The following ENPP2 variants were observed in gnomAD, a reference collection of about 807,000 sequenced individuals.
ENPP2 encodes the protein ectonucleotide pyrophosphatase/phosphodiesterase 2.
ENPP2 carries 51 observed loss-of-function variants against 120.2 expected under a neutral mutation model. That is an observed-to-expected ratio of 0.42 (90% confidence interval 0.34 to 0.54). The LOEUF is 0.54. Ranked by LOEUF, ENPP2 falls within the 20% of genes least tolerant of loss-of-function variation. ENPP2 has a pLI of 0.04. For missense variants in ENPP2, 920 were observed against 1,066.5 expected (o/e 0.86, Z 1.91); for synonymous variants, 365 against 366.4 (o/e 1.00, Z 0.04).
chr8:119,593,749 T>C lies in ENPP2; in HGVS notation c.1081+3A>G. Reference sequence around the variant, plus strand: ...TATTAGCAAAGAAAAAACAAAGCTTTACCATGGTCTCCGACAAAGATGACG... The same window carrying C: ...TATTAGCAAAGAAAAAACAAAGCTTCACCATGGTCTCCGACAAAGATGACG... On this transcript the variant is annotated splice_donor_region_variant and intron_variant, in intron 12 of 24. Coordinates refer to ENST00000075322, the MANE Select transcript of ENPP2 (RefSeq NM_001040092.3). The C allele has an allele frequency of 6.4e-7, 1 of 1,569,502 alleles. No homozygotes were observed. The highest frequency in any genetic ancestry group is 8.8e-7 in the Non-Finnish European group (1 of 1,139,438).
chr8:119,576,946 A>C (rs1008290588), intron 19 of ENPP2, among the ~76,000 whole-genome samples: 1 of 152,216 alleles, frequency 6.6e-6, no homozygotes, highest in Non-Finnish European at 1.5e-5. Flanking sequence ...ATTCCATAAC[A>C]GTTTAAATAT....
intron 8 of ENPP2, among the ~76,000 whole-genome samples, chr8:119,614,109 C>T (rs111759393): frequency 3.4e-4 from 51 of 147,966 alleles, no homozygotes; most frequent in African/African-American, 1.2e-3. Context: ...CACTGTCACC[C>T]GGGCTGGAGT....
intron 11 of ENPP2, 56 bp from the exon 12 acceptor site, chr8:119,593,916 C>T (rs773569584): frequency 1.0e-6 from 1 of 993,090 alleles, no homozygotes; most frequent in South Asian, 1.3e-5. Context: ...CCCTTTCAGT[C>T]TCTCATAGAT....
intron 7 of ENPP2, 42 bp downstream of exon 7, chr8:119,617,122 A>G: frequency 8.4e-7 from 1 of 1,195,730 alleles, no homozygotes; most frequent in East Asian, 2.3e-5. Context: ...TTCCAGGATG[A>G]AATCAGCCCT....
chr8:119,641,853 G>A (rs1167950646), upstream of ENPP2, among the ~76,000 whole-genome samples: 1 of 152,204 alleles, frequency 6.6e-6, no homozygotes, highest in Non-Finnish European at 1.5e-5. Flanking sequence ...GGTTCCTGCA[G>A]CAGACGTGAT....
At chr8:119,598,719 A>G (rs1814072446) in intron 11 of ENPP2, among the ~76,000 whole-genome samples, 4 of 152,210 alleles carry the variant, frequency 2.6e-5, no homozygotes, top group Admixed American at 2.0e-4. Context: ...TGCCATAAAG[A>G]AAATGTTCTG....
chr8:119,602,255 C>T (rs763352801), intron 9 of ENPP2, among the ~76,000 whole-genome samples: 5 of 152,014 alleles, frequency 3.3e-5, no homozygotes, highest in Non-Finnish European at 5.9e-5. Context: ...GTCAGGAGTT[C>T]GAGACCAGCC....
intron 1 of ENPP2, among the ~76,000 whole-genome samples, chr8:119,660,476 G>A (rs1205880715): frequency 6.6e-6 from 1 of 152,132 alleles, no homozygotes; most frequent in African/African-American, 2.4e-5. Context: ...CTTTGAAAAG[G>A]ACAGTATTTA....
Position 119,567,920 on chromosome 8 carries a change from T to C in ENPP2, c.2131+255A>G, listed in dbSNP as rs1814613564. Among the ~76,000 whole-genome samples the C allele has an allele frequency of 1.3e-5, 2 of 152,214 alleles. 1 individual carries two copies. The highest frequency in any genetic ancestry group is 2.9e-5 in the Non-Finnish European group (2 of 68,032). ...GGTCACTTTCTGTGATATCAATTTC[T>C]TAATTATAAACCGGGGATAAACTAC... On this transcript the variant is annotated intron_variant, in intron 22 of 24. Transcript: ENST00000075322.
intron 18 of ENPP2, 59 bp from the exon 19 acceptor site, chr8:119,580,226 T>G: frequency 7.6e-7 from 1 of 1,323,184 alleles, no homozygotes; most frequent in Non-Finnish European, 1.1e-6. Context: ...GTTCTTTCCC[T>G]CTGTGCCCTT....
chr8:119,605,964 A>G (rs1304255328), intron 9 of ENPP2, among the ~76,000 whole-genome samples: 1 of 152,216 alleles, frequency 6.6e-6, no homozygotes, highest in Non-Finnish European at 1.5e-5. Context: ...TTATTTCAGA[A>G]TGAAATACTA....
At chr8:119,580,057 C>T (rs1331177008) in intron 19 of ENPP2, 59 bp downstream of exon 19, 24 of 1,170,032 alleles carry the variant, frequency 2.1e-5, no homozygotes, top group Non-Finnish European at 3.1e-5. Flanking sequence ...AATAAGAAGC[C>T]TTTTCGATTT....
At chr8:119,667,072 A>G (rs1011498188) in intron 1 of ENPP2, among the ~76,000 whole-genome samples, 1 of 152,126 alleles carries the variant, frequency 6.6e-6, no homozygotes, top group Non-Finnish European at 1.5e-5. Context: ...AGACCCCTTC[A>G]AGCATGAAAA....
intron 17 of ENPP2, 21 bp from the exon 18 acceptor site, chr8:119,582,623 G>A (rs1812828233): frequency 6.4e-7 from 1 of 1,552,852 alleles, no homozygotes; most frequent in East Asian, 2.2e-5. Context: ...TTAAGAAAAG[G>A]AGGCAGGTGC....
intron 1 of ENPP2, among the ~76,000 whole-genome samples, chr8:119,659,374 A>G (rs1817859604): frequency 6.6e-6 from 1 of 150,676 alleles, no homozygotes; most frequent in Non-Finnish European, 1.5e-5. Context: ...TCCTAGTGGT[A>G]CTAATCCCTA....
intron 1 of ENPP2, among the ~76,000 whole-genome samples, chr8:119,649,305 G>A (rs1202928408): frequency 6.6e-6 from 1 of 151,408 alleles, no homozygotes; most frequent in African/African-American, 2.4e-5. Context: ...AGGAGGCTGA[G>A]GCAGGAGAAT....
chr8:119,610,427 GA>G (rs1276335874), intron 8 of ENPP2, among the ~76,000 whole-genome samples: 16 of 151,654 alleles, frequency 1.1e-4, no homozygotes, highest in Admixed American at 9.8e-4. Context: ...CCAAGGGGGG[GA>G]AAAAGGCACT....
intron 1 of ENPP2, among the ~76,000 whole-genome samples, chr8:119,661,762 T>C (rs1817927152): frequency 6.6e-6 from 1 of 152,088 alleles, no homozygotes; most frequent in African/African-American, 2.4e-5. Context: ...AAATATGGAA[T>C]CAAGTTAAGT....
chr8:119,629,847 A>T (rs1816535147), intron 2 of ENPP2, among the ~76,000 whole-genome samples: 1 of 152,214 alleles, frequency 6.6e-6, no homozygotes, highest in Non-Finnish European at 1.5e-5. Context: ...GTAAAAATAA[A>T]TATAAGGAAA....
Sources: gnomAD v4.1 joint callset for allele counts (sites outside exome capture counted in the v4.1 genomes callset) on GRCh38, gnomAD v4.1.1 for gene constraint, MANE v1.5 for transcripts, NCBI Gene and HGNC (gene_info 2026-07-23, HGNC 2026-07-21) for gene names.